PCDH15: variants seen among roughly 807,000 people sequenced by gnomAD.
PCDH15 encodes protocadherin related 15, also known as protocadherin-15.
In PCDH15, 129 loss-of-function variants were observed where a neutral mutation model predicts 178.5. The ratio of observed to expected loss-of-function variants is 0.72; its 90% CI spans 0.63 to 0.84. The LOEUF (loss-of-function observed/expected upper bound fraction) is 0.84. Ranked by LOEUF, PCDH15 falls within the 40% of genes least tolerant of loss-of-function variation. The pLI is 0.00. For synonymous variants in PCDH15, 800 were observed against 732.0 expected (o/e 1.09, Z -1.50); for missense variants, 2,230 against 2,099.9 (o/e 1.06, Z -1.21).
chr10:55,542,169 T>C (rs1359044569), intron 2 of PCDH15, among the ~76,000 whole-genome samples: 10 of 151,540 alleles, frequency 6.6e-5, no homozygotes, highest in African/African-American at 2.4e-4. Flanking sequence ...TATATGTACA[T>C]ATGTACAGTA....
intron 26 of PCDH15, among the ~76,000 whole-genome samples, chr10:53,888,282 CTATATATACATATATATA>C (rs1399743044): frequency 2.1e-5 from 2 of 95,426 alleles, no homozygotes; most frequent in African/African-American, 1.3e-4. Flanking sequence ...CATTCCAACA[CTATATATACATATATATA>C]TATATATATG....
At chr10:55,328,761 C>T (rs1302262901) in intron 2 of PCDH15, among the ~76,000 whole-genome samples, 1 of 150,442 alleles carries the variant, frequency 6.6e-6, no homozygotes, top group Admixed American at 6.7e-5. Context: ...TATTCGGTAC[C>T]GTAGGTCATC....
chr10:54,048,458 T>G (rs1437197090), intron 18 of PCDH15, among the ~76,000 whole-genome samples: 1 of 152,096 alleles, frequency 6.6e-6, no homozygotes, highest in South Asian at 2.1e-4. Context: ...CAAGACTTAG[T>G]CATAACTTCT....
intron 17 of PCDH15, among the ~76,000 whole-genome samples, chr10:54,078,590 G>GAA (rs138583277): frequency 1.0e-3 from 144 of 144,544 alleles, no homozygotes; most frequent in African/African-American, 3.5e-3. Flanking sequence ...GCACCTGATT[G>GAA]AAAAAAAAAA....
In PCDH15 at chr10:53,809,205, C is replaced by T. The variant is rs756168953; in HGVS notation, c.4671+1351G>A. 6 of 1,613,970 alleles carry T rather than the reference C, an allele frequency of 3.7e-6. No individual in the cohort carries two copies. The South Asian group carries it at 5.5e-5, about 15-fold the overall frequency. ...CTTCTGTAGTCTCAGACTCACTGAACTCAGACTCTTCTTCACTGTATTCAG... is the reference window on the plus strand; with the variant it reads ...CTTCTGTAGTCTCAGACTCACTGAATTCAGACTCTTCTTCACTGTATTCAG... On this transcript the variant is annotated intron_variant, in intron 37 of 37. Coordinates refer to ENST00000644397, the MANE Select transcript of PCDH15 (RefSeq NM_001384140.1).
At chr10:54,140,751 T>C (rs12258568) in intron 14 of PCDH15, among the ~76,000 whole-genome samples, 2,378 of 148,554 alleles carry the variant, frequency 0.016, 76 homozygotes, top group African/African-American at 0.056. Context: ...GGCACAATCT[T>C]GGCTCACTGC....
At chr10:54,830,165 A>T (rs2133750244) in intron 3 of PCDH15, among the ~76,000 whole-genome samples, 1 of 152,338 alleles carries the variant, frequency 6.6e-6, no homozygotes, top group South Asian at 2.1e-4. Context: ...CCATTGTGGA[A>T]GTCAATGTGG....
At chr10:55,117,130 G>A (rs1320783526) in intron 2 of PCDH15, among the ~76,000 whole-genome samples, 1 of 152,094 alleles carries the variant, frequency 6.6e-6, no homozygotes, top group Non-Finnish European at 1.5e-5. Flanking sequence ...AAATACATTT[G>A]TTATGCTTTT....
chr10:54,361,127 T>C (rs1213774621), intron 5 of PCDH15, among the ~76,000 whole-genome samples: 1 of 152,082 alleles, frequency 6.6e-6, no homozygotes, highest in Non-Finnish European at 1.5e-5. Flanking sequence ...AGGATTCATG[T>C]ATATACCAAA....
At chr10:53,995,591 G>T (rs1335989489) in intron 21 of PCDH15, 58 bp downstream of exon 21, 1 of 1,613,090 alleles carries the variant, frequency 6.2e-7, no homozygotes, top group Non-Finnish European at 8.5e-7. Flanking sequence ...GGTCATTTAT[G>T]AGTGTTAAGG....
At chr10:54,466,130 A>T (rs958541390) in intron 3 of PCDH15, among the ~76,000 whole-genome samples, 1 of 151,948 alleles carries the variant, frequency 6.6e-6, no homozygotes, top group Non-Finnish European at 1.5e-5. Flanking sequence ...AGTAGTCTGC[A>T]TATATTTTCT....
At chr10:54,005,325 TAAA>T (rs2092346886) in intron 20 of PCDH15, among the ~76,000 whole-genome samples, 1 of 150,498 alleles carries the variant, frequency 6.6e-6, no homozygotes, top group South Asian at 2.2e-4. Context: ...CACATCAACT[TAAA>T]AAGCTTCTGC....
At chr10:55,242,896 A>T (rs1026963467) in intron 1 of PCDH15, among the ~76,000 whole-genome samples, 7 of 152,176 alleles carry the variant, frequency 4.6e-5, no homozygotes, top group Non-Finnish European at 8.8e-5. Flanking sequence ...TTAAGTAATG[A>T]TGAATTCACA....
chr10:54,661,876 C>T (rs920029971), intron 2 of PCDH15, among the ~76,000 whole-genome samples: 21 of 151,922 alleles, frequency 1.4e-4, no homozygotes, highest in African/African-American at 4.8e-4. Context: ...AAACTTCACT[C>T]CTATCTCTCA....
chr10:54,178,518 T>A (rs2047661896), intron 13 of PCDH15, among the ~76,000 whole-genome samples: 1 of 151,860 alleles, frequency 6.6e-6, no homozygotes, highest in Non-Finnish European at 1.5e-5. Context: ...AATAGAATAA[T>A]TGGTGGAGCA....
At chr10:54,448,236 T>C (rs1412063248) in intron 3 of PCDH15, among the ~76,000 whole-genome samples, 2 of 151,842 alleles carry the variant, frequency 1.3e-5, no homozygotes, top group Middle Eastern at 3.4e-3. Flanking sequence ...TAATAAAGTG[T>C]TTTGAAACAT....
intron 3 of PCDH15, among the ~76,000 whole-genome samples, chr10:54,513,678 C>G (rs190830340): frequency 7.0e-4 from 106 of 152,188 alleles, no homozygotes; most frequent in African/African-American, 2.4e-3. Flanking sequence ...AAATCTTAAT[C>G]ATATTAATAC....
intron 18 of PCDH15, among the ~76,000 whole-genome samples, chr10:54,063,781 C>G (rs1323728748): frequency 1.3e-5 from 2 of 152,166 alleles, no homozygotes; most frequent in Non-Finnish European, 2.9e-5. Context: ...CATAGCCACG[C>G]ACGCTAGCTG....
intron 8 of PCDH15, among the ~76,000 whole-genome samples, chr10:54,254,144 A>G (rs1421681994): frequency 6.6e-6 from 1 of 152,110 alleles, no homozygotes; most frequent in Non-Finnish European, 1.5e-5. Context: ...GTTTCTTGGT[A>G]TTTAAAATTG....
Sources: allele counts gnomAD v4.1 joint callset (sites outside exome capture counted in the v4.1 genomes callset), GRCh38; gene constraint gnomAD v4.1.1; transcripts MANE v1.5; gene names NCBI Gene and HGNC (gene_info 2026-07-23, HGNC 2026-07-21).